The following ITGA2 variants were observed in gnomAD, a reference collection of about 807,000 sequenced individuals.
ITGA2 encodes the protein integrin subunit alpha 2.
Under a neutral mutation model 146.3 loss-of-function variants are expected in ITGA2, and 101 were observed. The ratio of observed to expected loss-of-function variants is 0.69; its 90% confidence interval spans 0.59 to 0.81. The LOEUF (loss-of-function observed/expected upper bound fraction) is 0.81, where lower values mean the gene tolerates loss of function less well. Among genes scored for constraint, ITGA2 ranks in the 40% least tolerant of loss-of-function variants. ITGA2 has a pLI of 0.00. For missense variants in ITGA2, 1,281 were observed against 1,402.7 expected (o/e 0.91, Z 1.39); for synonymous variants, 477 against 487.1 (o/e 0.98, Z 0.27).
At chr5:53,078,170 A>G (rs1219596152) in intron 23 of ITGA2, among the ~76,000 whole-genome samples, 1 of 151,948 alleles carries the variant, frequency 6.6e-6, no homozygotes, top group East Asian at 1.9e-4. Flanking sequence ...GAATACTAAA[A>G]CCTCTGGATC....
Position 53,000,897 on chromosome 5 carries a change from G to GTTTTTTTT in ITGA2, c.64+11379_64+11386dup, listed in dbSNP as rs369482288. 1.1e-3 allele frequency among the ~76,000 whole-genome samples: 103 copies of GTTTTTTTT among 97,222 alleles called. 2 individuals are homozygous for GTTTTTTTT. The highest frequency in any genetic ancestry group is 1.4e-3 in the Non-Finnish European group (67 of 49,518). The allele number at this position is 97,222 out of a possible 152,430, so 63.8% of individuals were successfully genotyped here. On this transcript the variant is annotated intron_variant, in intron 1 of 29. Coordinates refer to ENST00000296585, the MANE Select transcript of ITGA2 (RefSeq NM_002203.4). Reference sequence around the variant, plus strand: ...TTTTCTTTTTTTTCTTTTTCTTTTTGTTTTTTTTTTTTTTTTTTTTTCTTG... The same window carrying GTTTTTTTT: ...TTTTCTTTTTTTTCTTTTTCTTTTTGTTTTTTTTTTTTTTTTTTTTTTTTTTTTTCTTG...
chr5:53,011,441 G>C (rs1186099592), intron 1 of ITGA2, among the ~76,000 whole-genome samples: 2 of 152,062 alleles, frequency 1.3e-5, no homozygotes, highest in South Asian at 2.1e-4. Context: ...GTTGCTGCAG[G>C]TTTCCAACCC....
chr5:53,043,363 G>T (rs1743897144), intron 3 of ITGA2, among the ~76,000 whole-genome samples: 1 of 151,896 alleles, frequency 6.6e-6, no homozygotes, highest in African/African-American at 2.4e-5. Context: ...TATTTTTAAA[G>T]CTATATACAT....
At chr5:53,067,337 G>A in intron 16 of ITGA2, 80 bp downstream of exon 16, 1 of 1,514,588 alleles carries the variant, frequency 6.6e-7, no homozygotes, top group South Asian at 1.1e-5. Context: ...ATTTTGGTTT[G>A]TAGGCCAAGA....
In ITGA2 at chr5:53,090,754, T is replaced by G; in HGVS notation, c.*155T>G. ...GAGAAAACTGCAGGTCAGTTTGGAA[T>G]GAAGAAATTGTGGGGGGTGGGGGAG... On this transcript the variant is annotated 3_prime_UTR_variant, in exon 30 of 30. Transcript: ENST00000296585. The G allele has an allele frequency of 2.2e-5, 7 of 311,616 alleles. No homozygotes were observed. The highest frequency in any genetic ancestry group is 7.9e-5 in the East Asian group (1 of 12,646). 19.3% of individuals were successfully genotyped at this position (311,616 alleles called of 1,614,324 possible). A position where few individuals can be genotyped will look rare whatever the true frequency, so the allele number is the denominator to read the frequency against.
At chr5:52,997,157 T>C (rs909467536) in intron 1 of ITGA2, among the ~76,000 whole-genome samples, 1 of 152,230 alleles carries the variant, frequency 6.6e-6, no homozygotes, top group African/African-American at 2.4e-5. Context: ...GGCTAATGTT[T>C]TCAGCTCCAT....
At chr5:53,078,972 G>A in intron 24 of ITGA2, 98 bp downstream of exon 24, 1 of 753,958 alleles carries the variant, frequency 1.3e-6, no homozygotes. Flanking sequence ...GAAATTGAAA[G>A]AGATCCGTGG....
At chr5:53,014,283 T>A (rs1393532109) in intron 1 of ITGA2, among the ~76,000 whole-genome samples, 3 of 152,170 alleles carry the variant, frequency 2.0e-5, no homozygotes, top group Non-Finnish European at 4.4e-5. Flanking sequence ...CTTCAGTGCC[T>A]AATTTGTTGA....
rs573128146 is a variant in ITGA2 at position 53,094,301 on chromosome 5, G to A, written c.*3702G>A. The A allele has an allele frequency of 2.6e-5, 4 of 152,170 alleles. No individual in the cohort carries two copies. The East Asian group carries it at 5.8e-4, about 22-fold the overall frequency. 9.4% of individuals were successfully genotyped at this position (152,170 alleles called of 1,614,324 possible). ...AACATGGGGGAAAAGTATGAAATAG[G>A]TGAAAATCTTAACTATTTCTTTGAA... On this transcript the variant is annotated 3_prime_UTR_variant, in exon 30 of 30. Coordinates refer to ENST00000296585, the MANE Select transcript of ITGA2 (RefSeq NM_002203.4).
intron 3 of ITGA2, among the ~76,000 whole-genome samples, chr5:53,044,562 A>G (rs2111895481): frequency 6.6e-6 from 1 of 151,950 alleles, no homozygotes; most frequent in South Asian, 2.1e-4. Flanking sequence ...ACATTCACCC[A>G]CTATTGCTTT....
At chr5:53,044,207 A>G (rs3212454) in intron 3 of ITGA2, among the ~76,000 whole-genome samples, 5,743 of 135,770 alleles carry the variant, frequency 0.042, 156 homozygotes, top group East Asian at 0.089. Flanking sequence ...CCCGGGAGGC[A>G]GAGGTTGCAG....
intron 2 of ITGA2, among the ~76,000 whole-genome samples, chr5:53,033,408 A>G (rs1489044830): frequency 6.6e-6 from 1 of 151,956 alleles, no homozygotes; most frequent in Non-Finnish European, 1.5e-5. Context: ...TTCTATTCCA[A>G]TCCTCTTTCC....
Position 53,085,822 on chromosome 5 carries a change from C to T in ITGA2, c.3259-1130C>T, listed in dbSNP as rs554062619. ...TGTGAAAGCAGCTCTAACATCTAAGCGCTGCATTCCGCTTCACAGTAGCAT... is the reference window on the plus strand; with the variant it reads ...TGTGAAAGCAGCTCTAACATCTAAGTGCTGCATTCCGCTTCACAGTAGCAT... On this transcript the variant is annotated intron_variant, in intron 27 of 29. Coordinates refer to ENST00000296585, the MANE Select transcript of ITGA2 (RefSeq NM_002203.4). Among the ~76,000 whole-genome samples, 336 of 152,284 alleles carry T rather than the reference C, an allele frequency of 2.2e-3. 2 individuals are homozygous for T. Among genetic ancestry groups the T allele is most frequent in the Non-Finnish European group, 4.0e-3 (274 of 68,034 alleles).
intron 1 of ITGA2, among the ~76,000 whole-genome samples, chr5:52,993,914 G>T (rs1200354226): frequency 6.6e-6 from 1 of 152,148 alleles, no homozygotes; most frequent in Admixed American, 6.5e-5. Flanking sequence ...GCTCTGATTG[G>T]CAAGTGAAAG....
At chr5:53,004,903 T>C (rs1309573448) in intron 1 of ITGA2, among the ~76,000 whole-genome samples, 1 of 16,984 alleles carries the variant, frequency 5.9e-5, no homozygotes, top group Non-Finnish European at 2.8e-4. Context: ...TGTTTTTTTT[T>C]TTTTTTTTTT....
chr5:52,999,170 C>T (rs1456747734), intron 1 of ITGA2, among the ~76,000 whole-genome samples: 1 of 152,046 alleles, frequency 6.6e-6, no homozygotes, highest in African/African-American at 2.4e-5. Context: ...AATTTATCTT[C>T]AGCTTGACTC....
intron 2 of ITGA2, among the ~76,000 whole-genome samples, chr5:53,029,136 G>T (rs1743099107): frequency 6.6e-6 from 1 of 152,178 alleles, no homozygotes; most frequent in Non-Finnish European, 1.5e-5. Flanking sequence ...GCCAGGTGTG[G>T]TGGCGGGCGC....
At chr5:53,049,870 A>G (rs1744272438) in intron 6 of ITGA2, among the ~76,000 whole-genome samples, 1 of 151,216 alleles carries the variant, frequency 6.6e-6, no homozygotes, top group African/African-American at 2.4e-5. Context: ...ATTTTTCCCT[A>G]AATGCTTTCC....
intron 27 of ITGA2, among the ~76,000 whole-genome samples, chr5:53,084,468 T>C (rs960209266): frequency 2.0e-5 from 3 of 152,070 alleles, no homozygotes; most frequent in African/African-American, 7.2e-5. Flanking sequence ...GAGTCAAATA[T>C]AAGCAATATT....
Sources: allele counts gnomAD v4.1 joint callset (sites outside exome capture counted in the v4.1 genomes callset), GRCh38; gene constraint gnomAD v4.1.1; transcripts MANE v1.5; gene names NCBI Gene and HGNC (gene_info 2026-07-23, HGNC 2026-07-21).